The following DLGAP1 variants were observed in gnomAD, a reference collection of about 807,000 sequenced individuals.
DLGAP1 encodes the protein DLG associated protein 1.
Under a neutral mutation model 90.8 loss-of-function variants are expected in DLGAP1, and 11 were observed. That is an observed-to-expected ratio of 0.12 (90% CI 0.08 to 0.20). The LOEUF is 0.20. Ranked by LOEUF, DLGAP1 falls within the 10% of genes least tolerant of loss-of-function variation. DLGAP1 has a pLI of 1.00. For missense variants in DLGAP1, 1,050 were observed against 1,333.8 expected (o/e 0.79, Z 3.31); for synonymous variants, 558 against 540.7 (o/e 1.03, Z -0.44).
chr18:4,394,191 C>T lies in DLGAP1; in HGVS notation c.-267+60815G>A, dbSNP rs139569131. Among the ~76,000 whole-genome samples, 371 of 152,152 alleles carry T rather than the reference C, an allele frequency of 2.4e-3. 3 individuals carry two copies. Among genetic ancestry groups the T allele is most frequent in the African/African-American group, 8.1e-3 (338 of 41,518 alleles). ...CAAAACAGTAAAAGAAGAAAGCCAC[C>T]GTCAGGATGACTATGAGTTCCATGA... On this transcript the variant is annotated intron_variant, in intron 1 of 12. Transcript: ENST00000315677.
At chr18:4,136,919 C>CT (rs2076411455) in intron 2 of DLGAP1, among the ~76,000 whole-genome samples, 1 of 151,978 alleles carries the variant, frequency 6.6e-6, no homozygotes, top group Non-Finnish European at 1.5e-5. Context: ...TTTTATTATA[C>CT]TTTAAGTTTT....
chr18:4,157,274 T>C (rs1436324997), intron 1 of DLGAP1, among the ~76,000 whole-genome samples: 1 of 152,204 alleles, frequency 6.6e-6, no homozygotes, highest in Non-Finnish European at 1.5e-5. Flanking sequence ...TTATCTTAAA[T>C]TTTACCTTAT....
chr18:3,929,757 T>C (rs2072474909), intron 3 of DLGAP1, among the ~76,000 whole-genome samples: 1 of 152,240 alleles, frequency 6.6e-6, no homozygotes, highest in African/African-American at 2.4e-5. Flanking sequence ...AATTCTATGC[T>C]GTGGATTTTG....
intron 7 of DLGAP1, among the ~76,000 whole-genome samples, chr18:3,666,051 G>C (rs941852619): frequency 6.6e-6 from 1 of 152,086 alleles, no homozygotes; most frequent in Non-Finnish European, 1.5e-5. Flanking sequence ...GCAGCTGGAA[G>C]CGCTGAATGG....
At chr18:3,628,745 T>C (rs1050170955) in intron 7 of DLGAP1, among the ~76,000 whole-genome samples, 3 of 152,228 alleles carry the variant, frequency 2.0e-5, no homozygotes, top group African/African-American at 7.2e-5. Flanking sequence ...ACTACATATA[T>C]GTATTCTTTT....
At chr18:3,623,504 C>T (rs2058174757) in intron 7 of DLGAP1, among the ~76,000 whole-genome samples, 1 of 152,096 alleles carries the variant, frequency 6.6e-6, no homozygotes, top group African/African-American at 2.4e-5. Flanking sequence ...AAAGGAAAAG[C>T]CAGCCGGGCA....
chr18:3,635,773 C>G (rs2058694957), intron 7 of DLGAP1, among the ~76,000 whole-genome samples: 1 of 151,536 alleles, frequency 6.6e-6, no homozygotes, highest in African/African-American at 2.4e-5. Context: ...CCCCTCATAA[C>G]TATGTTTAAA....
intron 7 of DLGAP1, among the ~76,000 whole-genome samples, chr18:3,698,154 GTCTTTTAATTGGGGCATT>G (rs1296944747): frequency 6.6e-6 from 1 of 152,150 alleles, no homozygotes; most frequent in Non-Finnish European, 1.5e-5. Flanking sequence ...GCCACTCTGT[GTCTTTTAATTGGGGCATT>G]TAGCCTGTTC....
At chr18:3,950,112 T>C (rs1022385876) in intron 3 of DLGAP1, among the ~76,000 whole-genome samples, 4 of 152,194 alleles carry the variant, frequency 2.6e-5, no homozygotes, top group African/African-American at 9.7e-5. Context: ...TCTTTGCCTA[T>C]TGGATTTACC....
intron 1 of DLGAP1, among the ~76,000 whole-genome samples, chr18:4,177,154 T>C (rs74639194): frequency 0.027 from 4,046 of 152,286 alleles, 187 homozygotes; most frequent in African/African-American, 0.091. Context: ...CCTTGCAGGC[T>C]ACACCCTAAT....
chr18:4,069,087 T>C (rs962437621), intron 2 of DLGAP1, among the ~76,000 whole-genome samples: 2 of 152,176 alleles, frequency 1.3e-5, no homozygotes, highest in South Asian at 2.1e-4. Context: ...TGAGAGTATA[T>C]AGATAGATAT....
chr18:4,302,826 T>C (rs1009194581), intron 1 of DLGAP1, among the ~76,000 whole-genome samples: 2 of 152,232 alleles, frequency 1.3e-5, no homozygotes, highest in Admixed American at 1.3e-4. Flanking sequence ...ATTTTAACAA[T>C]ATTAATTCTT....
chr18:3,521,532 T>C lies in DLGAP1; in HGVS notation c.2479+12662A>G, dbSNP rs185600528. Among the ~76,000 whole-genome samples, 310 of 152,274 alleles carry C rather than the reference T, an allele frequency of 2.0e-3. 2 individuals are homozygous for C. The highest frequency in any genetic ancestry group is 7.3e-3 in the African/African-American group (303 of 41,554). On this transcript the variant is annotated intron_variant, in intron 10 of 12. Coordinates refer to ENST00000315677, the MANE Select transcript of DLGAP1 (RefSeq NM_004746.4). ...CTAAGCTGAGACTGTCTCTTCCCTT[T>C]GGTGCCCTAGGCAAGCCCCTCTCCC...
intron 7 of DLGAP1, among the ~76,000 whole-genome samples, chr18:3,661,571 C>CTTTTTTTTTTTTTT (rs10549959): frequency 4.0e-5 from 5 of 125,292 alleles, no homozygotes; most frequent in African/African-American, 1.4e-4. Flanking sequence ...GCTGTAAGGT[C>CTTTTTTTTTTTTTT]TTTTTTTTTT....
At chr18:3,554,488 A>T (rs916184323) in intron 9 of DLGAP1, among the ~76,000 whole-genome samples, 1 of 152,152 alleles carries the variant, frequency 6.6e-6, no homozygotes, top group African/African-American at 2.4e-5. Flanking sequence ...TCCTGCTGCC[A>T]CGGCATTTAA....
intron 7 of DLGAP1, among the ~76,000 whole-genome samples, chr18:3,726,450 T>C (rs2062182944): frequency 6.9e-6 from 1 of 144,464 alleles, no homozygotes; most frequent in Non-Finnish European, 1.5e-5. Context: ...GTGGGGTGTG[T>C]GTGTGAGAGA....
chr18:4,153,606 C>T (rs543288471), intron 1 of DLGAP1, among the ~76,000 whole-genome samples: 2 of 152,238 alleles, frequency 1.3e-5, no homozygotes, highest in South Asian at 4.1e-4. Context: ...AGAACAAGTA[C>T]ACTATAATTA....
At chr18:4,136,364 A>G (rs763124920) in intron 2 of DLGAP1, among the ~76,000 whole-genome samples, 3 of 152,034 alleles carry the variant, frequency 2.0e-5, no homozygotes, top group Non-Finnish European at 4.4e-5. Context: ...TCCCTCCAGC[A>G]CTGGTTTCCC....
chr18:4,095,046 T>C (rs549337900), intron 2 of DLGAP1, among the ~76,000 whole-genome samples: 2 of 152,240 alleles, frequency 1.3e-5, no homozygotes, highest in Admixed American at 6.5e-5. Flanking sequence ...TTCAACCTAA[T>C]ATAAAAAGCA....
Sources: gnomAD v4.1 joint callset for allele counts (sites outside exome capture counted in the v4.1 genomes callset) on GRCh38, gnomAD v4.1.1 for gene constraint, MANE v1.5 for transcripts, NCBI Gene and HGNC (gene_info 2026-07-23, HGNC 2026-07-21) for gene names.